The following ERBB3 variants were observed in gnomAD, a reference collection of about 807,000 sequenced individuals.
ERBB3 encodes the protein erb-b2 receptor tyrosine kinase 3, also known as receptor tyrosine-protein kinase erbB-3.
In ERBB3, 96 loss-of-function variants were observed where a neutral mutation model predicts 156.7. The ratio of observed to expected loss-of-function variants is 0.61; its 90% confidence interval spans 0.52 to 0.73. ERBB3 has a LOEUF of 0.73. Among genes scored for constraint, ERBB3 ranks in the 30% least tolerant of loss-of-function variants. ERBB3 has a pLI of 0.00. For missense variants in ERBB3, 1,406 were observed against 1,709.4 expected (o/e 0.82, Z 3.13); for synonymous variants, 567 against 632.0 (o/e 0.90, Z 1.54).
chr12:56,090,174 A>G (rs911609769), intron 9 of ERBB3, among the ~76,000 whole-genome samples: 2 of 151,582 alleles, frequency 1.3e-5, no homozygotes, highest in Admixed American at 1.3e-4. Context: ...TAATTTTTGT[A>G]TTTTTAGTAG....
chr12:56,083,577 T>C, intron 1 of ERBB3, 174 bp from the exon 2 acceptor site: 1 of 706,280 alleles, frequency 1.4e-6, no homozygotes. Context: ...GAGAGAAAGC[T>C]CTCAGGCCAC....
chr12:56,087,064 G>T (rs1329926839), intron 4 of ERBB3, among the ~76,000 whole-genome samples: 1 of 151,184 alleles, frequency 6.6e-6, no homozygotes, highest in Non-Finnish European at 1.5e-5. Context: ...TTGAGCCCAG[G>T]AGGCTGCAGC....
rs773063527 is a variant in ERBB3, at chr12:56,087,559, GCCTT to G, written c.548-11_548-8del. ...CTTAGCCCTGATGGCCCCTTGTGTTGCCTTCCTTCCCAACCAGGTCCCCCCTGTC... is the reference window on the plus strand; with the variant it reads ...CTTAGCCCTGATGGCCCCTTGTGTTGCCTTCCCAACCAGGTCCCCCCTGTC... On this transcript the variant is annotated splice_polypyrimidine_tract_variant and intron_variant, in intron 4 of 27. Transcript: ENST00000267101. 1 of 1,612,360 alleles carries G rather than the reference GCCTT, an allele frequency of 6.2e-7. No individual in the cohort carries two copies. Among genetic ancestry groups the G allele is most frequent in the Non-Finnish European group, 8.5e-7 (1 of 1,178,404 alleles).
At chr12:56,084,052 G>T in intron 2 of ERBB3, 150 bp downstream of exon 2, 1 of 823,782 alleles carries the variant, frequency 1.2e-6, no homozygotes. Flanking sequence ...TATGGGGACA[G>T]TGGCTGTCAT....
At chr12:56,082,748 A>T (rs73338396) in intron 1 of ERBB3, among the ~76,000 whole-genome samples, 1 of 152,150 alleles carries the variant, frequency 6.6e-6, no homozygotes, top group Non-Finnish European at 1.5e-5. Context: ...TGCAAAGAAG[A>T]GTGAACTCCC....
rs1241796385 is a variant in ERBB3 at position 56,096,372 on chromosome 12, C to T, written c.2056-131C>T. On this transcript the variant is annotated intron_variant, in intron 17 of 27. Coordinates refer to ENST00000267101, the MANE Select transcript of ERBB3 (RefSeq NM_001982.4). ...TACCTCAATATGCCTATAATCCATTCCAGGACTAACGGTGCTTCCTCTTCC... is the reference window on the plus strand; with the variant it reads ...TACCTCAATATGCCTATAATCCATTTCAGGACTAACGGTGCTTCCTCTTCC... The T allele has an allele frequency of 2.7e-6, 3 of 1,110,646 alleles. No individual in the cohort carries two copies. The East Asian group carries it at 7.0e-5, about 26-fold the overall frequency. 68.8% of individuals were successfully genotyped at this position (1,110,646 alleles called of 1,614,324 possible). A position where few individuals can be genotyped will look rare whatever the true frequency, so the allele number is the denominator to read the frequency against.
At chr12:56,082,100 A>G (rs1411286822) in intron 1 of ERBB3, among the ~76,000 whole-genome samples, 1 of 152,176 alleles carries the variant, frequency 6.6e-6, no homozygotes, top group Non-Finnish European at 1.5e-5. Context: ...AAGCACAGAC[A>G]CAAAGTCTGC....
At chr12:56,093,998 T>C in intron 13 of ERBB3, 101 bp from the exon 14 acceptor site, 4 of 1,574,394 alleles carry the variant, frequency 2.5e-6, no homozygotes, top group Non-Finnish European at 3.5e-6. Flanking sequence ...TTTCTGCATG[T>C]GCCTTGGTGG....
chr12:56,082,504 G>A (rs1868364919), intron 1 of ERBB3, among the ~76,000 whole-genome samples: 1 of 152,120 alleles, frequency 6.6e-6, no homozygotes, highest in Admixed American at 6.5e-5. Flanking sequence ...AGGTCAAGAA[G>A]TCAGACTAGG....
rs1419709890 is a variant in ERBB3 at position 56,082,979 on chromosome 12, G to C, written c.83-772G>C. Among the ~76,000 whole-genome samples, 3 of 152,104 alleles carry C rather than the reference G, an allele frequency of 2.0e-5. No homozygotes were observed. The East Asian group carries it at 5.8e-4, about 29-fold the overall frequency. On this transcript the variant is annotated intron_variant, in intron 1 of 27. Coordinates refer to ENST00000267101, the MANE Select transcript of ERBB3 (RefSeq NM_001982.4). ...GAGGTTGCTAGAGTGTGTTGGGATG[G>C]GGGAGAGAGTGAGAAGGAAACCCTG...
intron 1 of ERBB3, chr12:56,083,260 C>T (rs1357385866): frequency 4.3e-6 from 1 of 235,056 alleles, no homozygotes; most frequent in Non-Finnish European, 8.5e-6. Context: ...CCCCCACCCT[C>T]TGCCCCCATC....
Position 56,099,648 on chromosome 12 carries a change from G to T in ERBB3, c.2840G>T (p.Cys947Phe). 6.2e-7 allele frequency: 1 copy of T among 1,613,480 alleles called. No individual in the cohort carries two copies. Among genetic ancestry groups the T allele is most frequent in the African/African-American group, 1.3e-5 (1 of 75,028 alleles). The change falls in exon 24 of 28, where the codon TGT becomes TTT. Residue 947 changes from cysteine (C) to phenylalanine (F), a missense_variant and splice_region_variant. By Grantham distance (205) the Cys-to-Phe change is radical. Around this residue, in one of 3 missense-constraint regions of ERBB3, gnomAD observed 979 missense variants for 1,219.6 expected, o/e 0.80. Coordinates refer to ENST00000267101, the MANE Select transcript of ERBB3 (RefSeq NM_001982.4). ...TIDVYMVMVK[C>F]WMIDENIRPT... ...TCTACCTCCTACATCTTATCTCCAG[G>T]TTGGATGATTGATGAGAACATTCGC...
At position 56,080,316 on chromosome 12, in the gene ERBB3, G is replaced by A. The variant is rs757100419; in HGVS notation, c.16G>A (p.Ala6Thr). 3 of 1,577,320 alleles carry A rather than the reference G, an allele frequency of 1.9e-6. No individual in the cohort carries two copies. The highest frequency in any genetic ancestry group is 2.6e-6 in the Non-Finnish European group (3 of 1,160,304). MRANDALQVLGLLFSL... is the reference protein window; with the variant it reads MRANDTLQVLGLLFSL... ...CTGCGGAGTCATGAGGGCGAACGAC[G>A]CTCTGCAGGTGCTGGGCTTGCTTTT... The change falls in exon 1 of 28, where the codon GCT becomes ACT. Residue 6 changes from alanine (A) to threonine (T), a missense_variant. This residue lies in a region of ERBB3 where 979 missense variants were observed against 1,219.6 expected (regional missense o/e 0.80). Transcript: ENST00000267101.
Position 56,096,840 on chromosome 12 carries a change from G to A in ERBB3, c.2268G>A (p.Val756=). 1.9e-6 allele frequency: 3 copies of A among 1,611,578 alleles called. No individual in the cohort carries two copies. Among genetic ancestry groups the A allele is most frequent in the Non-Finnish European group, 2.5e-6 (3 of 1,177,764 alleles). ...DKSGRQSFQA[V]TDHMLAIGSL... ...GTGGACGGCAGAGTTTTCAAGCTGT[G>A]ACAGATGTAAGTGAAGGAAATTCTG... The change falls in exon 19 of 28, where the codon GTG becomes GTA. Residue 756 remains valine, a synonymous_variant. Transcript: ENST00000267101.
In ERBB3 at chr12:56,083,786, G is replaced by A. The variant is rs774536437; in HGVS notation, c.118G>A (p.Gly40Ser). The part of the protein sequence containing the change: ...PGTLNGLSVT[G>S]DAENQYQTLY... ...GACTCTGAATGGCCTGAGTGTGACC[G>A]GCGATGCTGAGAACCAATACCAGAC... is the stretch of plus-strand genomic sequence containing the variant. Residue 40 changes from glycine (G) to serine (S), a missense_variant, in exon 2 of 28, where the codon GGC (glycine) becomes AGC (serine). Coordinates refer to ENST00000267101, the MANE Select transcript of ERBB3 (RefSeq NM_001982.4). The A allele has an allele frequency of 1.2e-5, 19 of 1,613,994 alleles. No homozygotes were observed. Among genetic ancestry groups the A allele is most frequent in the South Asian group, 4.4e-5 (4 of 91,088 alleles).
rs757559484 is a variant in ERBB3, at chr12:56,101,481, A to G, written c.3503-48A>G. 5 of 1,604,936 alleles carry G rather than the reference A, an allele frequency of 3.1e-6. No individual in the cohort carries two copies. In the African/African-American group the frequency reaches 6.7e-5, roughly 22 times the overall value. On this transcript the variant is annotated intron_variant, in intron 27 of 27. Coordinates refer to ENST00000267101, the MANE Select transcript of ERBB3 (RefSeq NM_001982.4). ...TATTAATTTTTTCAAACTTTCCCCT[A>G]CCCTCATGAAGTTCTTCACATACCT...
chr12:56,096,264 T>C, intron 17 of ERBB3: 1 of 582,796 alleles, frequency 1.7e-6, no homozygotes, highest in Non-Finnish European at 3.1e-6. Flanking sequence ...CCCCACTTTG[T>C]GCTCCTCCAT....
intron 20 of ERBB3, among the ~76,000 whole-genome samples, 189 bp from the exon 21 acceptor site, chr12:56,097,596 T>C (rs1186783988): frequency 6.6e-6 from 1 of 152,012 alleles, no homozygotes; most frequent in Non-Finnish European, 1.5e-5. Context: ...TGATCTGAGG[T>C]GGAAAAATTT....
chr12:56,082,521 T>C (rs1868365212), intron 1 of ERBB3, among the ~76,000 whole-genome samples: 1 of 152,042 alleles, frequency 6.6e-6, no homozygotes, highest in Non-Finnish European at 1.5e-5. Context: ...TAGGGGTGTA[T>C]GTTATAGGAG....
Sources: allele counts gnomAD v4.1 joint callset (sites outside exome capture counted in the v4.1 genomes callset), GRCh38; gene constraint gnomAD v4.1.1; regional missense constraint gnomAD v4.1.1; transcripts MANE v1.5; gene names NCBI Gene and HGNC (gene_info 2026-07-23, HGNC 2026-07-21).